Variants in CACNB4 observed in about 807,000 individuals in gnomAD.
CACNB4 encodes the protein calcium voltage-gated channel auxiliary subunit beta 4.
Under a neutral mutation model 71.2 loss-of-function variants are expected in CACNB4, and 32 were observed. The observed-to-expected ratio is 0.45, with a 90% CI of 0.34 to 0.60. The LOEUF is 0.60. Among genes scored for constraint, CACNB4 ranks in the 20% least tolerant of loss-of-function variants. CACNB4 has a pLI of 0.01. For synonymous variants in CACNB4, 231 were observed against 236.9 expected (o/e 0.97, Z 0.23); for missense variants, 464 against 647.9 (o/e 0.72, Z 3.08).
intron 3 of CACNB4, among the ~76,000 whole-genome samples, chr2:151,882,286 C>T (rs548304902): frequency 6.9e-6 from 1 of 145,010 alleles, no homozygotes; most frequent in South Asian, 2.2e-4. Flanking sequence ...TTTCCTGGGC[C>T]TAGGTGATCC....
intron 2 of CACNB4, among the ~76,000 whole-genome samples, chr2:152,079,409 T>C (rs1454886426): frequency 1.3e-5 from 2 of 152,126 alleles, no homozygotes; most frequent in East Asian, 3.9e-4. Context: ...GTTGTTGTTA[T>C]TGTTTTAGAG....
At chr2:151,971,275 T>G in intron 2 of CACNB4, 1 of 569,306 alleles carries the variant, frequency 1.8e-6, no homozygotes, top group Non-Finnish European at 3.1e-6. Context: ...ATGATCTTAT[T>G]ACAAGCTTAC....
intron 2 of CACNB4, among the ~76,000 whole-genome samples, chr2:151,990,361 G>C (rs1489258867): frequency 6.6e-6 from 1 of 152,076 alleles, no homozygotes; most frequent in Non-Finnish European, 1.5e-5. Flanking sequence ...TCCTCCTACT[G>C]GTTATTCAAA....
At chr2:152,066,432 AACCACAATGAGAT>A (rs1305146475) in intron 2 of CACNB4, among the ~76,000 whole-genome samples, 1 of 152,120 alleles carries the variant, frequency 6.6e-6, no homozygotes, top group Non-Finnish European at 1.5e-5. Flanking sequence ...TGCAAATCAA[AACCACAATGAGAT>A]ACCATTTCAC....
chr2:152,066,410 C>T (rs1307968966), intron 2 of CACNB4, among the ~76,000 whole-genome samples: 4 of 152,182 alleles, frequency 2.6e-5, no homozygotes, highest in African/African-American at 9.6e-5. Flanking sequence ...CTATCACTGG[C>T]CATCAGAGAA....
chr2:151,841,300 T>C (rs2099836171), intron 13 of CACNB4, among the ~76,000 whole-genome samples: 1 of 151,902 alleles, frequency 6.6e-6, no homozygotes, highest in Non-Finnish European at 1.5e-5. Flanking sequence ...GGGCCAGGAG[T>C]GGTGGCTCAT....
intron 2 of CACNB4, among the ~76,000 whole-genome samples, chr2:152,056,373 A>G (rs1685730554): frequency 6.6e-6 from 1 of 152,050 alleles, no homozygotes; most frequent in Non-Finnish European, 1.5e-5. Context: ...AAAAAAAAAA[A>G]AAGAAATTAG....
rs1056888836 is a variant in CACNB4 at position 151,835,483 on chromosome 2, A to G, written c.*3636T>C. 2.6e-5 allele frequency: 4 copies of G among 151,862 alleles called. No homozygotes were observed. The highest frequency in any genetic ancestry group is 9.7e-5 in the African/African-American group (4 of 41,434). The allele number at this position is 151,862 out of a possible 1,614,324, so 9.4% of individuals were successfully genotyped here. A position where few individuals can be genotyped will look rare whatever the true frequency, so the allele number is the denominator to read the frequency against. ...GTCTTCTCTAGAGAAGAGGTAGTAA[A>G]TATATCAGTACATAGGGTAATTTCT... On this transcript the variant is annotated 3_prime_UTR_variant, in exon 14 of 14. Coordinates refer to ENST00000539935, the MANE Select transcript of CACNB4 (RefSeq NM_000726.5).
intron 3 of CACNB4, 173 bp downstream of exon 3, chr2:151,883,078 G>A: frequency 1.6e-6 from 1 of 623,146 alleles, no homozygotes; most frequent in Non-Finnish European, 2.8e-6. Flanking sequence ...ATGCCTCTTT[G>A]GAGATGTTAC....
chr2:151,920,995 G>T (rs1222858545), intron 2 of CACNB4, among the ~76,000 whole-genome samples: 1 of 151,928 alleles, frequency 6.6e-6, no homozygotes, highest in Non-Finnish European at 1.5e-5. Context: ...AAAGAAATTA[G>T]CTGGGCATGG....
chr2:152,003,375 G>A (rs1204793413), intron 2 of CACNB4, among the ~76,000 whole-genome samples: 1 of 152,080 alleles, frequency 6.6e-6, no homozygotes, highest in Non-Finnish European at 1.5e-5. Context: ...CAACCAGGGA[G>A]GTGGAGGTTG....
At chr2:151,991,168 G>A (rs1681683911) in intron 2 of CACNB4, among the ~76,000 whole-genome samples, 1 of 152,174 alleles carries the variant, frequency 6.6e-6, no homozygotes, top group Admixed American at 6.5e-5. Context: ...ACTCTCTTTA[G>A]AGAGAAGGCT....
chr2:152,005,785 C>T (rs1015460530), intron 2 of CACNB4, among the ~76,000 whole-genome samples: 1 of 152,186 alleles, frequency 6.6e-6, no homozygotes, highest in African/African-American at 2.4e-5. Context: ...CACTGTGTCC[C>T]AGATTTCTGT....
intron 2 of CACNB4, among the ~76,000 whole-genome samples, chr2:151,986,482 C>CA (rs1372465243): frequency 5.3e-5 from 8 of 152,126 alleles, no homozygotes; most frequent in Non-Finnish European, 1.0e-4. Flanking sequence ...AACCCACTCC[C>CA]AATCCCACTC....
At chr2:152,066,303 A>C (rs538252497) in intron 2 of CACNB4, among the ~76,000 whole-genome samples, 12 of 152,326 alleles carry the variant, frequency 7.9e-5, no homozygotes, top group African/African-American at 2.6e-4. Flanking sequence ...CCAGAAGAAA[A>C]ACAAACAACC....
chr2:152,019,861 G>A (rs1683557629), intron 2 of CACNB4, among the ~76,000 whole-genome samples: 1 of 152,180 alleles, frequency 6.6e-6, no homozygotes, highest in South Asian at 2.1e-4. Flanking sequence ...ACACAACTGA[G>A]ACAGGCAGGA....
At chr2:152,012,211 CCT>C (rs796848451) in intron 2 of CACNB4, among the ~76,000 whole-genome samples, 16 of 152,066 alleles carry the variant, frequency 1.1e-4, no homozygotes, top group African/African-American at 3.9e-4. Context: ...GGTTACTGCC[CCT>C]GAGATCCTTC....
chr2:152,001,131 C>T (rs1682371897), intron 2 of CACNB4, among the ~76,000 whole-genome samples: 1 of 152,160 alleles, frequency 6.6e-6, no homozygotes, highest in South Asian at 2.1e-4. Context: ...CCAAAGGTCA[C>T]GGTCAGTAAG....
rs187930074 is a variant in CACNB4, at chr2:151,947,040, T to A, written c.148-63670A>T. 8.7e-4 allele frequency among the ~76,000 whole-genome samples: 132 copies of A among 152,068 alleles called. 1 individual carries two copies. The highest frequency in any genetic ancestry group is 3.5e-4 in the Non-Finnish European group (24 of 67,996). On this transcript the variant is annotated intron_variant, in intron 2 of 13. Coordinates refer to ENST00000539935, the MANE Select transcript of CACNB4 (RefSeq NM_000726.5). ...CAATTCCCCAAGGAGAGACACCAGA[T>A]GAAAAACATTCTGTGTATGGTCAAT...
Sources: allele counts gnomAD v4.1 joint callset (sites outside exome capture counted in the v4.1 genomes callset), GRCh38; gene constraint gnomAD v4.1.1; transcripts MANE v1.5; gene names NCBI Gene and HGNC (gene_info 2026-07-23, HGNC 2026-07-21).